The following TTC7A variants were observed in gnomAD, a reference collection of about 807,000 sequenced individuals.
TTC7A encodes the protein tetratricopeptide repeat domain 7A.
In TTC7A, 110 loss-of-function variants were observed where a neutral mutation model predicts 103.7. The observed-to-expected ratio is 1.06, with a 90% CI of 0.91 to 1.24. TTC7A has a LOEUF of 1.24. Ranked by LOEUF, TTC7A falls within the 50% of genes most tolerant of loss-of-function variation. The pLI is 0.00. For synonymous variants in TTC7A, 521 were observed against 467.9 expected (o/e 1.11, Z -1.47); for missense variants, 1,340 against 1,116.3 (o/e 1.20, Z -2.86).
At position 47,051,785 on chromosome 2, in the gene TTC7A, A is replaced by T. The variant is rs775654592; in HGVS notation, c.2057A>T (p.Glu686Val). ...RASSIAASRL[E>V]EAMSELTMPS... ...TCGTCCATCGCCGCCTCCCGGCTGG[A>T]GGAGGCCATGTCAGAGCTGACTATG... The change falls in exon 18 of 20, where the codon GAG becomes GTG. Residue 686 changes from glutamate (E) to valine (V), a missense_variant. Coordinates refer to ENST00000319190, the MANE Select transcript of TTC7A (RefSeq NM_020458.4). 9 of 1,611,126 alleles carry T rather than the reference A, an allele frequency of 5.6e-6. No homozygotes were observed. In the South Asian group the frequency reaches 8.8e-5, roughly 16 times the overall value.
rs370306895 is a variant in TTC7A at position 47,048,282 on chromosome 2, A to G, written c.1920-1667A>G. Among the ~76,000 whole-genome samples the G allele has an allele frequency of 9.8e-5, 15 of 152,324 alleles. No individual in the cohort carries two copies. The South Asian group carries it at 1.7e-3, about 17-fold the overall frequency. On this transcript the variant is annotated intron_variant, in intron 16 of 19. Coordinates refer to ENST00000319190, the MANE Select transcript of TTC7A (RefSeq NM_020458.4). ...TGTAAGGTTCTTCAAGGTAGGGACC[A>G]TGCTGTACATTGGCCTAGAACCAAG... is the stretch of plus-strand genomic sequence containing the variant.
At chr2:46,972,631 A>G (rs966393293) in intron 3 of TTC7A, among the ~76,000 whole-genome samples, 4 of 152,222 alleles carry the variant, frequency 2.6e-5, no homozygotes, top group African/African-American at 9.6e-5. Context: ...TGAGATTGCA[A>G]GAGAGGTGGT....
intron 19 of TTC7A, among the ~76,000 whole-genome samples, chr2:47,064,264 G>A (rs1456562082): frequency 1.3e-5 from 2 of 152,250 alleles, no homozygotes; most frequent in African/African-American, 2.4e-5. Context: ...ACTGGCAAGT[G>A]TAGAAAGAAA....
chr2:46,917,985 C>T (rs1668903416), intron 2 of TTC7A, among the ~76,000 whole-genome samples: 1 of 152,190 alleles, frequency 6.6e-6, no homozygotes, highest in Admixed American at 6.5e-5. Context: ...TCCACCCTCC[C>T]TATGTGAGTT....
chr2:47,048,346 A>C (rs1399889884), intron 16 of TTC7A, among the ~76,000 whole-genome samples: 2 of 152,138 alleles, frequency 1.3e-5, no homozygotes, highest in Non-Finnish European at 2.9e-5. Flanking sequence ...AGCCCTAGGA[A>C]AGGCCCCTTC....
At chr2:46,949,303 T>G (rs1002001129) in intron 1 of TTC7A, among the ~76,000 whole-genome samples, 20 of 151,894 alleles carry the variant, frequency 1.3e-4, no homozygotes, top group African/African-American at 4.4e-4. Flanking sequence ...TGGTGTGATC[T>G]CGGCTCACTG....
intron 15 of TTC7A, among the ~76,000 whole-genome samples, chr2:47,043,063 A>G (rs976677064): frequency 6.6e-6 from 1 of 152,288 alleles, no homozygotes; most frequent in Middle Eastern, 3.4e-3. Flanking sequence ...ACGGCATGCC[A>G]GGGCTCCGCC....
rs1677555086 is a variant in TTC7A, at chr2:47,007,594, G to A, written c.1287+870G>A. On this transcript the variant is annotated intron_variant, in intron 10 of 19. Transcript: ENST00000319190. This position sits in a 1 kb window ranked among gnomAD's most constrained non-coding sequence, Gnocchi z 4.9. ...TGGCCCCGCAGCCGTCTCTGAGGAG[G>A]GCCCTCCTGGCTTGCCAGTGCCTCC... Among the ~76,000 whole-genome samples, 1 of 152,112 alleles carries A rather than the reference G, an allele frequency of 6.6e-6. No homozygotes were observed. Among genetic ancestry groups the A allele is most frequent in the African/African-American group, 2.4e-5 (1 of 41,440 alleles).
At chr2:46,994,813 G>A (rs1388661083) in intron 7 of TTC7A, among the ~76,000 whole-genome samples, 1 of 152,172 alleles carries the variant, frequency 6.6e-6, no homozygotes, top group Non-Finnish European at 1.5e-5. Flanking sequence ...TTCATCGAAG[G>A]TGCGGTCTGT....
intron 1 of TTC7A, among the ~76,000 whole-genome samples, chr2:46,949,941 G>T (rs1471595197): frequency 1.3e-5 from 2 of 152,160 alleles, no homozygotes; most frequent in Non-Finnish European, 2.9e-5. Flanking sequence ...TAGAAATTAG[G>T]AGCATGTAAA....
chr2:47,047,267 G>A, intron 16 of TTC7A: 3 of 1,545,674 alleles, frequency 1.9e-6, no homozygotes, highest in Middle Eastern at 1.7e-4. Flanking sequence ...TTTTCACAGA[G>A]ACTTTAGGAG....
At chr2:46,969,669 C>G (rs1029419884) in intron 3 of TTC7A, among the ~76,000 whole-genome samples, 2 of 152,084 alleles carry the variant, frequency 1.3e-5, no homozygotes, top group South Asian at 4.1e-4. Context: ...CCTCGGCCTC[C>G]CAAAGTGCTG....
chr2:47,042,462 A>C (rs111490497), intron 15 of TTC7A, among the ~76,000 whole-genome samples: 1 of 152,088 alleles, frequency 6.6e-6, no homozygotes, highest in African/African-American at 2.4e-5. Context: ...TGATCACGTC[A>C]CTGCACTCTG....
intron 5 of TTC7A, among the ~76,000 whole-genome samples, chr2:46,980,383 C>T (rs1674324448): frequency 6.6e-6 from 1 of 152,048 alleles, no homozygotes; most frequent in African/African-American, 2.4e-5. Flanking sequence ...TCACACCTGG[C>T]TAATTTTTTG....
At chr2:47,053,430 G>A (rs548223912) in intron 18 of TTC7A, among the ~76,000 whole-genome samples, 1 of 152,334 alleles carries the variant, frequency 6.6e-6, no homozygotes, top group Non-Finnish European at 1.5e-5. Context: ...GCGTAACACA[G>A]TGATCAGATT....
chr2:47,067,317 G>A lies in TTC7A; in HGVS notation c.2355+6346G>A, dbSNP rs540182878. 5.9e-5 allele frequency among the ~76,000 whole-genome samples: 9 copies of A among 152,376 alleles called. No individual in the cohort carries two copies. In the South Asian group the frequency reaches 6.2e-4, roughly 11 times the overall value. ...GAAAGCTGTGAAAAGATAAGTCAAC[G>A]TTGGGCATTTTTATCACTATATTCA... On this transcript the variant is annotated intron_variant, in intron 19 of 19. Transcript: ENST00000319190.
intron 13 of TTC7A, 101 bp from the exon 14 acceptor site, chr2:47,024,186 C>T (rs1679617105): frequency 2.9e-6 from 3 of 1,048,992 alleles, no homozygotes; most frequent in Non-Finnish European, 2.7e-6. Flanking sequence ...CAGGGTATTG[C>T]CTCATAGCGC....
At chr2:46,953,132 T>C (rs1473962652) in intron 2 of TTC7A, among the ~76,000 whole-genome samples, 1 of 152,214 alleles carries the variant, frequency 6.6e-6, no homozygotes, top group Non-Finnish European at 1.5e-5. Flanking sequence ...TGATGATCTG[T>C]AAAATAATAT....
chr2:46,987,163 C>G (rs113126385), intron 5 of TTC7A, among the ~76,000 whole-genome samples: 4 of 152,174 alleles, frequency 2.6e-5, no homozygotes, highest in African/African-American at 9.7e-5. Flanking sequence ...TGGAGGGCGT[C>G]TCTTCCCCTC....
Sources: allele counts gnomAD v4.1 joint callset (sites outside exome capture counted in the v4.1 genomes callset), GRCh38; gene constraint gnomAD v4.1.1; non-coding constraint Gnocchi (gnomAD v3.1); transcripts MANE v1.5; gene names NCBI Gene and HGNC (gene_info 2026-07-23, HGNC 2026-07-21).